Variants in CENPE observed in about 807,000 individuals in gnomAD.
The protein encoded by CENPE is centromere protein E, also known as centromere-associated protein E.
Under a neutral mutation model 336.1 loss-of-function variants are expected in CENPE, and 145 were observed. The ratio of observed to expected loss-of-function variants is 0.43; its 90% CI spans 0.38 to 0.50. The LOEUF (loss-of-function observed/expected upper bound fraction) is 0.50. Ranked by LOEUF, CENPE falls within the 20% of genes least tolerant of loss-of-function variation. The pLI, the probability that CENPE is intolerant of heterozygous loss-of-function variation, is 0.00. For missense variants in CENPE, 2,719 were observed against 3,023.3 expected (o/e 0.90, Z 2.36); for synonymous variants, 1,013 against 984.8 (o/e 1.03, Z -0.54).
In CENPE at chr4:103,120,138, T is replaced by TTTAAG; in HGVS notation, c.7329+5_7329+9dup. 6.4e-7 allele frequency: 1 copy of TTTAAG among 1,566,028 alleles called. No homozygotes were observed. Among genetic ancestry groups the TTTAAG allele is most frequent in the Non-Finnish European group, 8.7e-7 (1 of 1,152,798 alleles). On this transcript the variant is annotated intron_variant, in intron 44 of 48. Transcript: ENST00000265148. ...CAAACAAACAACTTTTATTTTTATG[T>TTTAAG]TTAAGTTACCTGAAGTACTTGAATT...
chr4:103,153,303 T>TA, intron 24 of CENPE, 53 bp from the exon 25 acceptor site: 3 of 1,132,104 alleles, frequency 2.6e-6, no homozygotes, highest in Non-Finnish European at 2.5e-6. Flanking sequence ...ACAACAACTT[T>TA]AAAAAATAAT....
intron 8 of CENPE, among the ~76,000 whole-genome samples, chr4:103,188,512 G>T (rs1316162303): frequency 6.6e-6 from 1 of 152,124 alleles, no homozygotes; most frequent in Non-Finnish European, 1.5e-5. Context: ...TCAACTGCAT[G>T]GAAACTGAAC....
Position 103,158,714 on chromosome 4 carries a change from T to C in CENPE, c.2774A>G (p.Lys925Arg). The C allele has an allele frequency of 6.2e-7, 1 of 1,613,082 alleles. No homozygotes were observed. The highest frequency in any genetic ancestry group is 8.5e-7 in the Non-Finnish European group (1 of 1,179,438). The change falls in exon 23 of 49, where the codon AAA (lysine) becomes AGA (arginine). Residue 925 changes from lysine (K) to arginine (R), a missense_variant. Transcript: ENST00000265148. Reference protein sequence around the residue: ...EKLQQTLEEVKTLTQEKDDLK... With the variant: ...EKLQQTLEEVRTLTQEKDDLK... Reference sequence around the variant, plus strand: ...ATCATCTTTTTCTTGAGTTAAAGTTTTTACTTCTTCTAAAGTTTGCTGCAG... The same window carrying C: ...ATCATCTTTTTCTTGAGTTAAAGTTCTTACTTCTTCTAAAGTTTGCTGCAG...
Position 103,132,491 on chromosome 4 carries a change from TACA to T in CENPE, c.6924+199_6924+201del, listed in dbSNP as rs145150614. 0.01 allele frequency among the ~76,000 whole-genome samples: 1,545 copies of T among 152,276 alleles called. 29 individuals are homozygous for T. The highest frequency in any genetic ancestry group is 0.035 in the African/African-American group (1,454 of 41,560). On this transcript the variant is annotated intron_variant, in intron 42 of 48. Coordinates refer to ENST00000265148, the MANE Select transcript of CENPE (RefSeq NM_001813.3). ...TTTCACAAGTGGAAACTAAATATTA[TACA>T]ACAAGATTTCGTTACCTTGATCAGT...
chr4:103,158,640 T>C lies in CENPE; in HGVS notation c.2848A>G (p.Ser950Gly). ...SLQIERDQLKSDIHDTVNMNI... is the reference protein window; with the variant it reads ...SLQIERDQLKGDIHDTVNMNI... ...ATGTTAACAGTATCGTGAATATCAC[T>C]TTTGAGTTGGTCCCTCTCAATTTGC... The change falls in exon 23 of 49, where the codon AGT becomes GGT. Residue 950 changes from serine (S) to glycine (G), a missense_variant. By Grantham distance (56) the Ser-to-Gly change is moderately conservative. Transcript: ENST00000265148. 4 of 1,607,056 alleles carry C rather than the reference T, an allele frequency of 2.5e-6. No individual in the cohort carries two copies. The highest frequency in any genetic ancestry group is 3.4e-6 in the Non-Finnish European group (4 of 1,177,960).
Position 103,192,009 on chromosome 4 carries a change from G to T in CENPE, c.693+2220C>A, listed in dbSNP as rs192996743. 5.0e-4 allele frequency among the ~76,000 whole-genome samples: 76 copies of T among 152,116 alleles called. 3 individuals carry two copies. The East Asian group carries it at 0.014, about 28-fold the overall frequency. On this transcript the variant is annotated intron_variant, in intron 8 of 48. Transcript: ENST00000265148. Reference sequence around the variant, plus strand: ...CAGCTTGGGTTAGGGAGGTGGCAGAGGAGACTGCTTGTAAGAGAAGCAGTG... The same window carrying T: ...CAGCTTGGGTTAGGGAGGTGGCAGATGAGACTGCTTGTAAGAGAAGCAGTG...
At chr4:103,152,862 G>C (rs1753673621) in intron 25 of CENPE, among the ~76,000 whole-genome samples, 185 bp downstream of exon 25, 1 of 152,114 alleles carries the variant, frequency 6.6e-6, no homozygotes, top group Non-Finnish European at 1.5e-5. Context: ...GGGGGTGATG[G>C]AAACATCTTC....
chr4:103,172,136 A>C (rs1560658582), intron 16 of CENPE, among the ~76,000 whole-genome samples: 1 of 151,998 alleles, frequency 6.6e-6, no homozygotes, highest in East Asian at 1.9e-4. Context: ...CATTACACTG[A>C]TACCAAAAAT....
At chr4:103,151,032 T>C in intron 26 of CENPE, among the ~76,000 whole-genome samples, 187 bp downstream of exon 26, 1 of 152,224 alleles carries the variant, frequency 6.6e-6, no homozygotes, top group Admixed American at 6.5e-5. Flanking sequence ...TCTGGAATAA[T>C]ATAATCCTCA....
intron 42 of CENPE, among the ~76,000 whole-genome samples, chr4:103,129,547 A>T (rs1578567379): frequency 6.6e-6 from 1 of 151,476 alleles, no homozygotes; most frequent in African/African-American, 2.4e-5. Flanking sequence ...GACCAGCCTG[A>T]CCAACATGGT....
Position 103,154,058 on chromosome 4 carries a change from AATTACT to A in CENPE, c.3034-814_3034-809del, listed in dbSNP as rs1753773395. 2.6e-5 allele frequency among the ~76,000 whole-genome samples: 4 copies of A among 152,188 alleles called. No homozygotes were observed. The South Asian group carries it at 8.3e-4, about 31-fold the overall frequency. ...ATTGGTAAAGGGAGACAGAGACTGAAATTACTATTGCTGGTACAAATTTAGGGTATT... is the reference window on the plus strand; with the variant it reads ...ATTGGTAAAGGGAGACAGAGACTGAAATTGCTGGTACAAATTTAGGGTATT... On this transcript the variant is annotated intron_variant, in intron 24 of 48. Transcript: ENST00000265148.
Position 103,140,414 on chromosome 4 carries a change from C to T in CENPE, c.5755G>A (p.Asp1919Asn). 2 of 1,572,058 alleles carry T rather than the reference C, an allele frequency of 1.3e-6. No homozygotes were observed. Among genetic ancestry groups the T allele is most frequent in the South Asian group, 1.2e-5 (1 of 83,752 alleles). ...KESLQETKARDLEIQQELKTA... is the reference protein window; with the variant it reads ...KESLQETKARNLEIQQELKTA... Reference sequence around the variant, plus strand: ...TTTAGTTCCTGTTGTATTTCCAGATCCTTTATGGTTAGAAGAAATCAAGAA... The same window carrying T: ...TTTAGTTCCTGTTGTATTTCCAGATTCTTTATGGTTAGAAGAAATCAAGAA... The change falls in exon 37 of 49, where the codon GAT becomes AAT. Residue 1919 changes from aspartate (D) to asparagine (N), a missense_variant and splice_region_variant. Asp to Asn is a conservative substitution (Grantham distance 23). Transcript: ENST00000265148.
intron 46 of CENPE, among the ~76,000 whole-genome samples, chr4:103,111,802 G>T (rs1749456123): frequency 6.6e-6 from 1 of 151,802 alleles, no homozygotes; most frequent in Non-Finnish European, 1.5e-5. Flanking sequence ...ACAGACACTA[G>T]GGAAGTTTAA....
In CENPE at chr4:103,116,735, C is replaced by T. The variant is rs552270962; in HGVS notation, c.7330-46G>A. The T allele has an allele frequency of 2.7e-5, 25 of 936,562 alleles. No individual in the cohort carries two copies. In the Admixed American group the frequency reaches 6.3e-4, roughly 24 times the overall value. The allele number at this position is 936,562 out of a possible 1,614,324, so 58.0% of individuals were successfully genotyped here. A position where few individuals can be genotyped will look rare whatever the true frequency, so the allele number is the denominator to read the frequency against. ...ATAAAAATAATTATTAGAGGCGCTT[C>T]AGTTTCTCCAGTTGTAAAGAATGGT... On this transcript the variant is annotated intron_variant, in intron 44 of 48. Transcript: ENST00000265148.
chr4:103,163,137 C>A lies in CENPE; in HGVS notation c.1842G>T (p.Leu614Phe). The part of the protein sequence containing the change: ...ENIKMDLSYS[L>F]ESIEDPKQMK... Reference sequence around the variant, plus strand: ...ACAACAAAATACGCCTGATTTTTACCAATGAGTATGACAAGTCCATTTTTA... The same window carrying A: ...ACAACAAAATACGCCTGATTTTTACAAATGAGTATGACAAGTCCATTTTTA... Residue 614 changes from leucine (L) to phenylalanine (F), a missense_variant and splice_region_variant, in exon 18 of 49, where the codon TTG (leucine) becomes TTT (phenylalanine). Coordinates refer to ENST00000265148, the MANE Select transcript of CENPE (RefSeq NM_001813.3). The A allele has an allele frequency of 6.2e-7, 1 of 1,600,588 alleles. No individual in the cohort carries two copies. The highest frequency in any genetic ancestry group is 8.5e-7 in the Non-Finnish European group (1 of 1,175,038).
intron 8 of CENPE, among the ~76,000 whole-genome samples, chr4:103,186,419 AT>A (rs1756773670): frequency 6.6e-6 from 1 of 152,236 alleles, no homozygotes; most frequent in Admixed American, 6.5e-5. Context: ...AGAAATCTTT[AT>A]AAACATGACT....
At chr4:103,189,338 C>A (rs1757092407) in intron 8 of CENPE, among the ~76,000 whole-genome samples, 1 of 152,120 alleles carries the variant, frequency 6.6e-6, no homozygotes, top group South Asian at 2.1e-4. Flanking sequence ...GACACAACAA[C>A]AAAAGAGAAT....
At chr4:103,106,619 T>C (rs913512090) in intron 48 of CENPE, among the ~76,000 whole-genome samples, 9 of 152,220 alleles carry the variant, frequency 5.9e-5, no homozygotes, top group African/African-American at 2.2e-4. Context: ...GATTGAGTTT[T>C]CTTTTGTCCT....
chr4:103,153,135 T>G lies in CENPE; in HGVS notation c.3149A>C (p.Gln1050Pro), dbSNP rs768489693. Residue 1050 changes from glutamine to proline, a missense_variant, in exon 25 of 49, where the codon CAG (glutamine) becomes CCG (proline). By Grantham distance (76) the Gln-to-Pro change is moderately conservative. Around this residue, in one of 5 missense-constraint regions of CENPE, gnomAD observed 2,437 missense variants for 2,513.3 expected, o/e 0.97. Coordinates refer to ENST00000265148, the MANE Select transcript of CENPE (RefSeq NM_001813.3). ...EQQRKIFSLI[Q>P]EKNELQQMLE... is the part of the protein sequence containing the mutation. Reference sequence around the variant, plus strand: ...CATTTGTTGGAGTTCATTTTTCTCCTGTATTAAAGAAAATATCTTCCTTTG... The same window carrying G: ...CATTTGTTGGAGTTCATTTTTCTCCGGTATTAAAGAAAATATCTTCCTTTG... The G allele has an allele frequency of 1.2e-6, 2 of 1,612,722 alleles. No homozygotes were observed. The highest frequency in any genetic ancestry group is 1.3e-5 in the African/African-American group (1 of 75,010).
Sources: allele counts gnomAD v4.1 joint callset (sites outside exome capture counted in the v4.1 genomes callset), GRCh38; gene constraint gnomAD v4.1.1; regional missense constraint gnomAD v4.1.1; transcripts MANE v1.5; gene names NCBI Gene and HGNC (gene_info 2026-07-23, HGNC 2026-07-21).